Variants in FSTL5 observed in about 807,000 individuals in gnomAD.
FSTL5 encodes follistatin-related protein 5.
FSTL5 carries 62 observed loss-of-function variants against 89.1 expected under a neutral mutation model. That is an observed-to-expected ratio of 0.70 (90% CI 0.57 to 0.86). The LOEUF is 0.86. Ranked by LOEUF, FSTL5 falls within the 40% of genes least tolerant of loss-of-function variation. The pLI, the probability that FSTL5 is intolerant of heterozygous loss-of-function variation, is 0.00. For missense variants in FSTL5, 1,057 were observed against 1,001.6 expected, an observed-to-expected ratio of 1.06 and a Z score of -0.75; for synonymous variants, 383 against 346.2, an observed-to-expected ratio of 1.11 and a Z score of -1.18.
intron 3 of FSTL5, among the ~76,000 whole-genome samples, chr4:162,017,720 A>T (rs1451444838): frequency 6.6e-6 from 1 of 152,212 alleles, no homozygotes; most frequent in Non-Finnish European, 1.5e-5. Context: ...ATGAGACAAC[A>T]AAATGGATGG....
intron 10 of FSTL5, among the ~76,000 whole-genome samples, 164 bp from the exon 11 acceptor site, chr4:161,510,588 T>C (rs1434463063): frequency 6.6e-6 from 1 of 151,900 alleles, no homozygotes; most frequent in Non-Finnish European, 1.5e-5. Flanking sequence ...AACAAAACAA[T>C]AGCATGTTGG....
At chr4:161,898,309 A>C (rs12499128) in intron 4 of FSTL5, among the ~76,000 whole-genome samples, 58 of 151,392 alleles carry the variant, frequency 3.8e-4, no homozygotes, top group Admixed American at 3.5e-3. Context: ...AAAAATCTTC[A>C]TCGCATTCAA....
chr4:161,719,021 T>A (rs1170617768), intron 6 of FSTL5, among the ~76,000 whole-genome samples: 1 of 152,188 alleles, frequency 6.6e-6, no homozygotes, highest in East Asian at 1.9e-4. Context: ...TGGTAACAGT[T>A]GGGATATATT....
At position 161,538,279 on chromosome 4, in the gene FSTL5, A is replaced by T; in HGVS notation, c.1199T>A (p.Ile400Lys). The change falls in exon 10 of 16, where the codon ATA (isoleucine) becomes AAA (lysine). Residue 400 changes from isoleucine to lysine, a missense_variant. Physicochemically the swap from Ile to Lys is moderately radical, Grantham distance 102. Transcript: ENST00000306100. Reference sequence around the variant, plus strand: ...AGTATCTTCATAGCGCACATTGCTTATGTGAACCTCACTGCCATTTGCTGA... The same window carrying T: ...AGTATCTTCATAGCGCACATTGCTTTTGTGAACCTCACTGCCATTTGCTGA... ...TLQANGSEVH[I>K]SNVRYEDTGA... 1 of 1,614,002 alleles carries T rather than the reference A, an allele frequency of 6.2e-7. No homozygotes were observed. The highest frequency in any genetic ancestry group is 8.5e-7 in the Non-Finnish European group (1 of 1,179,920).
chr4:161,869,406 C>A (rs1321009428), intron 4 of FSTL5, among the ~76,000 whole-genome samples: 1 of 152,244 alleles, frequency 6.6e-6, no homozygotes, highest in East Asian at 1.9e-4. Flanking sequence ...AAATAAGGTT[C>A]TTAATCTATA....
At chr4:161,999,068 T>A (rs1736386432) in intron 3 of FSTL5, among the ~76,000 whole-genome samples, 1 of 152,134 alleles carries the variant, frequency 6.6e-6, no homozygotes, top group South Asian at 2.1e-4. Flanking sequence ...TTTTTCAGGT[T>A]TCTAAGGGAA....
At chr4:161,823,450 TAC>T (rs1730558666) in intron 4 of FSTL5, among the ~76,000 whole-genome samples, 1 of 152,226 alleles carries the variant, frequency 6.6e-6, no homozygotes, top group African/African-American at 2.4e-5. Flanking sequence ...CGAGTTCATG[TAC>T]ACTCAACCAG....
At chr4:161,633,853 T>C (rs1370751891) in intron 7 of FSTL5, among the ~76,000 whole-genome samples, 2 of 152,174 alleles carry the variant, frequency 1.3e-5, no homozygotes, top group African/African-American at 2.4e-5. Flanking sequence ...ATAATAAAGC[T>C]AGTTCAAAGT....
chr4:161,608,979 T>C (rs28580199), intron 7 of FSTL5, among the ~76,000 whole-genome samples: 6,125 of 152,158 alleles, frequency 0.04, 377 homozygotes, highest in African/African-American at 0.14. Context: ...TTGCATAACA[T>C]AAATTCGGTC....
chr4:161,704,635 A>C (rs1191178512), intron 6 of FSTL5, among the ~76,000 whole-genome samples: 2 of 152,090 alleles, frequency 1.3e-5, no homozygotes, highest in Non-Finnish European at 2.9e-5. Context: ...TCACTGGCAA[A>C]GTAGCACACA....
In FSTL5 at chr4:161,459,223, G is replaced by T; in HGVS notation, c.1705C>A (p.Pro569Thr). ...LSWGTLEKTSPTLQVITLASG... is the reference protein window; with the variant it reads ...LSWGTLEKTSTTLQVITLASG... Reference sequence around the variant, plus strand: ...TGAAATGTACTTACCTGTAGTGTTGGTGATGTCTTCTCCAAGGTACCCCAG... The same window carrying T: ...TGAAATGTACTTACCTGTAGTGTTGTTGATGTCTTCTCCAAGGTACCCCAG... The change falls in exon 14 of 16, where the codon CCA becomes ACA. Residue 569 changes from proline (P) to threonine (T), a missense_variant. Pro to Thr is a conservative substitution (Grantham distance 38, BLOSUM62 -1). Around this residue, in one of 3 missense-constraint regions of FSTL5, gnomAD observed 980 missense variants for 903.2 expected, o/e 1.08. Coordinates refer to ENST00000306100, the MANE Select transcript of FSTL5 (RefSeq NM_020116.5). The T allele has an allele frequency of 6.3e-7, 1 of 1,588,480 alleles. No homozygotes were observed. The highest frequency in any genetic ancestry group is 8.6e-7 in the Non-Finnish European group (1 of 1,156,944).
chr4:161,393,997 C>G (rs1224012088), intron 15 of FSTL5, among the ~76,000 whole-genome samples: 2 of 152,146 alleles, frequency 1.3e-5, no homozygotes, highest in African/African-American at 4.8e-5. Flanking sequence ...AAACGCAAAA[C>G]AGCAGTCACA....
chr4:162,031,068 C>G (rs1438211927), intron 3 of FSTL5, among the ~76,000 whole-genome samples: 2 of 152,142 alleles, frequency 1.3e-5, no homozygotes, highest in African/African-American at 4.8e-5. Flanking sequence ...GTAGTTGACC[C>G]TTACTTTCAA....
At chr4:161,488,436 A>T (rs1463217480) in intron 12 of FSTL5, among the ~76,000 whole-genome samples, 1 of 152,088 alleles carries the variant, frequency 6.6e-6, no homozygotes, top group Non-Finnish European at 1.5e-5. Context: ...TCAGCTATAC[A>T]ATAAAAACAA....
intron 13 of FSTL5, among the ~76,000 whole-genome samples, chr4:161,472,751 G>A (rs1242210034): frequency 3.3e-5 from 5 of 150,296 alleles, no homozygotes; most frequent in South Asian, 4.2e-4. Flanking sequence ...TTTTTGAGAC[G>A]GAGTCTCACT....
chr4:162,160,827 C>T (rs1232286052), intron 1 of FSTL5, among the ~76,000 whole-genome samples: 4 of 148,068 alleles, frequency 2.7e-5, no homozygotes, highest in Admixed American at 2.7e-4. Context: ...GAAAACAAAA[C>T]AAAACAAAAA....
intron 3 of FSTL5, chr4:162,032,499 T>TC (rs1466874777): frequency 6.6e-6 from 1 of 152,192 alleles, no homozygotes; most frequent in Non-Finnish European, 1.5e-5. Context: ...GGAAGAACAG[T>TC]CTTACATAAT....
chr4:161,456,511 G>C (rs1391972706), intron 14 of FSTL5, among the ~76,000 whole-genome samples: 1 of 152,144 alleles, frequency 6.6e-6, no homozygotes, highest in East Asian at 1.9e-4. Flanking sequence ...TCTGATCCTT[G>C]AGAACATGCT....
intron 3 of FSTL5, among the ~76,000 whole-genome samples, chr4:161,992,093 G>C (rs763925092): frequency 1.3e-5 from 2 of 152,162 alleles, no homozygotes; most frequent in African/African-American, 2.4e-5. Flanking sequence ...TGAGGTCAGA[G>C]AGATTAAAAG....
Sources: gnomAD v4.1 joint callset for allele counts (sites outside exome capture counted in the v4.1 genomes callset) on GRCh38, gnomAD v4.1.1 for gene constraint, gnomAD v4.1.1 regional missense constraint, MANE v1.5 for transcripts, NCBI Gene and HGNC (gene_info 2026-07-23, HGNC 2026-07-21) for gene names.